Variants in UGGT1 observed in about 807,000 individuals in gnomAD.
The protein encoded by UGGT1 is UDP-glucose:glycoprotein glucosyltransferase 1.
UGGT1 carries 107 observed loss-of-function variants against 203.9 expected under a neutral mutation model. The ratio of observed to expected loss-of-function variants is 0.52; its 90% CI spans 0.45 to 0.62. UGGT1 has a LOEUF of 0.62. Ranked by LOEUF, UGGT1 falls within the 20% of genes least tolerant of loss-of-function variation. The pLI is 0.00. For synonymous variants in UGGT1, 628 were observed against 653.5 expected, an observed-to-expected ratio of 0.96 and a Z score of 0.59; for missense variants, 1,673 against 1,867.2, an observed-to-expected ratio of 0.90 and a Z score of 1.92.
chr2:128,145,672 C>A, intron 17 of UGGT1, 131 bp from the exon 18 acceptor site: 2 of 834,996 alleles, frequency 2.4e-6, no homozygotes, highest in South Asian at 3.2e-5. Flanking sequence ...AAAGAAATAT[C>A]TTGAGTTATT....
rs1233244975 is a variant in UGGT1 at position 128,191,273 on chromosome 2, G to C, written c.*1531G>C. 6.6e-6 allele frequency: 1 copy of C among 152,198 alleles called. No homozygotes were observed. Among genetic ancestry groups the C allele is most frequent in the Non-Finnish European group, 1.5e-5 (1 of 68,046 alleles). 9.4% of individuals were successfully genotyped at this position (152,198 alleles called of 1,614,324 possible). A position where few individuals can be genotyped will look rare whatever the true frequency, so the allele number is the denominator to read the frequency against. On this transcript the variant is annotated 3_prime_UTR_variant, in exon 41 of 41. Coordinates refer to ENST00000259253, the MANE Select transcript of UGGT1 (RefSeq NM_020120.4). ...ATCTTAGTCTTATCACAAATATCAA[G>C]TAATTTATTTTTTCCATTTTCAAAT...
At chr2:128,142,001 G>A (rs1689453601) in intron 16 of UGGT1, among the ~76,000 whole-genome samples, 1 of 151,822 alleles carries the variant, frequency 6.6e-6, no homozygotes, top group Non-Finnish European at 1.5e-5. Context: ...GAGTGCAGTT[G>A]TGTGATCTTG....
rs1228667547 is a variant in UGGT1, at chr2:128,191,016, T to C, written c.*1274T>C. On this transcript the variant is annotated 3_prime_UTR_variant, in exon 41 of 41. Coordinates refer to ENST00000259253, the MANE Select transcript of UGGT1 (RefSeq NM_020120.4). ...TGCTGGTGAACGGGCTGTAGAGTCTTGAGTATGTTATTGGCCTAAGTGGGC... is the reference window on the plus strand; with the variant it reads ...TGCTGGTGAACGGGCTGTAGAGTCTCGAGTATGTTATTGGCCTAAGTGGGC... 5 of 152,246 alleles carry C rather than the reference T, an allele frequency of 3.3e-5. No homozygotes were observed. The highest frequency in any genetic ancestry group is 1.2e-4 in the African/African-American group (5 of 41,456). 9.4% of individuals were successfully genotyped at this position (152,246 alleles called of 1,614,324 possible).
chr2:128,190,053 A>G lies in UGGT1; in HGVS notation c.*311A>G, dbSNP rs1692180075. On this transcript the variant is annotated 3_prime_UTR_variant, in exon 41 of 41. Transcript: ENST00000259253. Reference sequence around the variant, plus strand: ...GAAGAAAATGAGTTTTTTGGTGCCCACACCCAAGAGCACACACATGCTGCA... The same window carrying G: ...GAAGAAAATGAGTTTTTTGGTGCCCGCACCCAAGAGCACACACATGCTGCA... The G allele has an allele frequency of 3.5e-6, 1 of 283,552 alleles. No homozygotes were observed. Among genetic ancestry groups the G allele is most frequent in the South Asian group, 6.7e-5 (1 of 14,826 alleles). 17.6% of individuals were successfully genotyped at this position (283,552 alleles called of 1,614,324 possible).
intron 22 of UGGT1, among the ~76,000 whole-genome samples, 183 bp from the exon 23 acceptor site, chr2:128,159,331 T>A (rs890635851): frequency 6.6e-6 from 1 of 151,972 alleles, no homozygotes; most frequent in Non-Finnish European, 1.5e-5. Flanking sequence ...GAACTCCTGA[T>A]CTCGTGGTCC....
intron 1 of UGGT1, among the ~76,000 whole-genome samples, chr2:128,095,242 T>C (rs1200027513): frequency 1.3e-5 from 2 of 152,190 alleles, no homozygotes; most frequent in African/African-American, 2.4e-5. Flanking sequence ...GGTTTCATTT[T>C]TGTGTGTGTA....
At chr2:128,160,855 T>C (rs2104743831) in intron 24 of UGGT1, among the ~76,000 whole-genome samples, 1 of 152,360 alleles carries the variant, frequency 6.6e-6, no homozygotes, top group East Asian at 1.9e-4. Flanking sequence ...CTTTGACACA[T>C]AAAGTAGCCT....
intron 21 of UGGT1, among the ~76,000 whole-genome samples, chr2:128,156,930 G>A (rs1313840660): frequency 6.6e-6 from 1 of 152,150 alleles, no homozygotes; most frequent in East Asian, 1.9e-4. Context: ...TTACAAATTA[G>A]TATGATTAAA....
intron 31 of UGGT1, among the ~76,000 whole-genome samples, chr2:128,175,650 G>T (rs13026746): frequency 6.6e-6 from 1 of 152,198 alleles, no homozygotes; most frequent in East Asian, 1.9e-4. Context: ...ACAGTAGAAG[G>T]TTTTTTCCCA....
rs764721427 is a variant in UGGT1, at chr2:128,115,162, C to T, written c.735C>T (p.Gly245=). Residue 245 remains glycine, a synonymous_variant, in exon 7 of 41, where the codon GGC becomes GGT. Transcript: ENST00000259253. The part of the protein sequence containing the change: ...RKEPVYLSGY[G]VELAIKSTEY... Reference sequence around the variant, plus strand: ...AGCCTGTTTACCTCTCTGGCTATGGCGTGGAATTGGCCATTAAGAGCACTG... The same window carrying T: ...AGCCTGTTTACCTCTCTGGCTATGGTGTGGAATTGGCCATTAAGAGCACTG... The T allele has an allele frequency of 2.7e-5, 43 of 1,613,750 alleles. No individual in the cohort carries two copies. The highest frequency in any genetic ancestry group is 3.1e-5 in the Non-Finnish European group (37 of 1,179,926).
At chr2:128,188,579 G>A (rs1236204729) in intron 40 of UGGT1, among the ~76,000 whole-genome samples, 2 of 152,188 alleles carry the variant, frequency 1.3e-5, no homozygotes, top group African/African-American at 4.8e-5. Context: ...GTACATATTT[G>A]TGGAGTCCAT....
chr2:128,095,404 T>A (rs1687068196), intron 1 of UGGT1, among the ~76,000 whole-genome samples: 1 of 140,950 alleles, frequency 7.1e-6, no homozygotes, highest in South Asian at 2.7e-4. Flanking sequence ...CTCCTTCCCC[T>A]TCCCCTTTAC....
chr2:128,186,920 C>G, intron 39 of UGGT1, 121 bp downstream of exon 39: 1 of 739,612 alleles, frequency 1.4e-6, no homozygotes, highest in Non-Finnish European at 2.2e-6. Flanking sequence ...TTTAGACTTT[C>G]TCTGTAATTG....
intron 1 of UGGT1, among the ~76,000 whole-genome samples, chr2:128,093,304 A>C (rs1686958423): frequency 6.6e-6 from 1 of 151,652 alleles, no homozygotes; most frequent in Non-Finnish European, 1.5e-5. Flanking sequence ...TAGCATCTTC[A>C]CTCTTGGTGC....
intron 2 of UGGT1, among the ~76,000 whole-genome samples, chr2:128,099,424 G>A (rs1380462017): frequency 6.6e-6 from 1 of 152,198 alleles, no homozygotes; most frequent in Non-Finnish European, 1.5e-5. Flanking sequence ...AATTACAGGT[G>A]TGAGCCACCA....
chr2:128,162,905 C>G (rs1021268057), intron 25 of UGGT1, among the ~76,000 whole-genome samples: 1 of 152,184 alleles, frequency 6.6e-6, no homozygotes, highest in African/African-American at 2.4e-5. Context: ...GGCCAAAAGA[C>G]TAATGCTAAA....
intron 36 of UGGT1, among the ~76,000 whole-genome samples, chr2:128,181,321 T>C (rs561476336): frequency 3.9e-5 from 6 of 152,350 alleles, no homozygotes; most frequent in Admixed American, 2.0e-4. Context: ...TCTGACTTAA[T>C]TCATTTAACA....
chr2:128,129,254 T>G (rs1241668333), intron 13 of UGGT1, 75 bp downstream of exon 13: 9 of 1,506,850 alleles, frequency 6.0e-6, no homozygotes, highest in Non-Finnish European at 8.0e-6. Context: ...TTGTCTCTTA[T>G]GAGGGTGAAG....
chr2:128,155,647 T>G, intron 20 of UGGT1, 60 bp downstream of exon 20: 1 of 1,333,682 alleles, frequency 7.5e-7, no homozygotes, highest in Non-Finnish European at 1.1e-6. Flanking sequence ...ATTTGCATAT[T>G]CATCTTAATG....
Sources: allele counts gnomAD v4.1 joint callset (sites outside exome capture counted in the v4.1 genomes callset), GRCh38; gene constraint gnomAD v4.1.1; transcripts MANE v1.5; gene names NCBI Gene and HGNC (gene_info 2026-07-23, HGNC 2026-07-21).